Variants in KIF26A observed in about 807,000 individuals in gnomAD.
KIF26A encodes kinesin family member 26A.
A neutral mutation model predicts 126.0 loss-of-function variants in KIF26A; 74 were observed. That is an observed-to-expected ratio of 0.59 (90% CI 0.49 to 0.71). The LOEUF is 0.71. Ranked by LOEUF, KIF26A falls within the 30% of genes least tolerant of loss-of-function variation. The pLI is 0.00. For missense variants in KIF26A, 2,984 were observed against 2,763.3 expected (o/e 1.08, Z -1.79); for synonymous variants, 1,445 against 1,232.7 (o/e 1.17, Z -3.61).
Position 104,139,091 on chromosome 14 carries a change from T to TC in KIF26A, c.97dup (p.Arg33ProfsTer94), listed in dbSNP as rs2037611645. ...CGAGCCGCCGCCGCTGCTGGAGGTG[T>TC]CCCCCCGAAAGAGGCTACCCGCCGG... is the stretch of plus-strand genomic sequence containing the variant. On this transcript the variant is annotated frameshift_variant, in exon 2 of 15. Transcript: ENST00000423312. LOFTEE classifies it high-confidence loss of function. 4 of 1,449,486 alleles carry TC rather than the reference T, an allele frequency of 2.8e-6. No individual in the cohort carries two copies. Among genetic ancestry groups the TC allele is most frequent in the East Asian group, 3.0e-5 (1 of 33,322 alleles). The allele number at this position is 1,449,486 out of a possible 1,614,324, so 89.8% of individuals were successfully genotyped here.
intron 4 of KIF26A, among the ~76,000 whole-genome samples, chr14:104,158,996 G>A (rs368552910): frequency 1.3e-4 from 20 of 152,248 alleles, no homozygotes; most frequent in Non-Finnish European, 2.4e-4. Flanking sequence ...AGACGAGGGC[G>A]TCTTATCAGC....
chr14:104,150,695 A>G (rs1042502606), intron 2 of KIF26A, among the ~76,000 whole-genome samples: 4 of 152,214 alleles, frequency 2.6e-5, no homozygotes, highest in African/African-American at 9.6e-5. Flanking sequence ...TTTGTGGCCA[A>G]CAGGGTGGCT....
Position 104,151,832 on chromosome 14 carries a change from G to A in KIF26A, c.289-183G>A, listed in dbSNP as rs989460139. ...CATTGTGAGCCTCACGATGAAGCCCGATCATTATTTTCCTGCTGGGCTTGT... is the reference window on the plus strand; with the variant it reads ...CATTGTGAGCCTCACGATGAAGCCCAATCATTATTTTCCTGCTGGGCTTGT... On this transcript the variant is annotated intron_variant, in intron 2 of 14. Coordinates refer to ENST00000423312, the MANE Select transcript of KIF26A (RefSeq NM_015656.2). The surrounding 1 kb of genome is among the most constrained non-coding windows in gnomAD (Gnocchi z 4.9). 3.9e-5 allele frequency among the ~76,000 whole-genome samples: 6 copies of A among 152,226 alleles called. No individual in the cohort carries two copies. Among genetic ancestry groups the A allele is most frequent in the African/African-American group, 1.4e-4 (6 of 41,464 alleles).
chr14:104,138,806 G>A (rs2037608120), intron 1 of KIF26A, 42 bp downstream of exon 1: 3 of 1,258,618 alleles, frequency 2.4e-6, no homozygotes, highest in Non-Finnish European at 3.0e-6. Flanking sequence ...GGCGGCGGGG[G>A]CCCGGGACGG....
At chr14:104,156,456 C>G (rs145144741) in intron 3 of KIF26A, among the ~76,000 whole-genome samples, 2 of 152,144 alleles carry the variant, frequency 1.3e-5, no homozygotes, top group Non-Finnish European at 2.9e-5. Context: ...CTTCTGGAAG[C>G]CCCGGAGGAG....
At chr14:104,165,648 T>C (rs1460659660) in intron 4 of KIF26A, among the ~76,000 whole-genome samples, 2 of 126,710 alleles carry the variant, frequency 1.6e-5, no homozygotes, top group African/African-American at 7.8e-5. Flanking sequence ...TGTTTCTGTA[T>C]GCATGTGTGT....
intron 5 of KIF26A, among the ~76,000 whole-genome samples, chr14:104,168,449 C>T (rs1001132014): frequency 3.9e-5 from 6 of 152,164 alleles, no homozygotes; most frequent in African/African-American, 1.2e-4. Context: ...GGAGGGCCGC[C>T]GTGGGGCATA....
intron 8 of KIF26A, 43 bp downstream of exon 8, chr14:104,173,282 C>T (rs1416315342): frequency 6.2e-7 from 1 of 1,601,462 alleles, no homozygotes; most frequent in Non-Finnish European, 8.5e-7. Flanking sequence ...GGGGGCTGCA[C>T]TTGGCCCTGA....
Position 104,177,580 on chromosome 14 carries a change from G to C in KIF26A, c.4792G>C (p.Val1598Leu). The C allele has an allele frequency of 6.5e-7, 1 of 1,534,800 alleles. No individual in the cohort carries two copies. The highest frequency in any genetic ancestry group is 8.7e-7 in the Non-Finnish European group (1 of 1,145,540). ...CAGCGGCCATGACAGCGGCGTGAAC[G>C]TGGGGGAGGAGCGGCCACCCACGGG... ...SDSGHDSGVNVGEERPPTGPA... is the reference protein window; with the variant it reads ...SDSGHDSGVNLGEERPPTGPA... The change falls in exon 12 of 15, where the codon GTG (valine) becomes CTG (leucine). Residue 1598 changes from valine to leucine, a missense_variant. Coordinates refer to ENST00000423312, the MANE Select transcript of KIF26A (RefSeq NM_015656.2).
Position 104,174,293 on chromosome 14 carries a change from C to A in KIF26A, c.2176C>A (p.Arg726Ser). ...GCTCGCCGCCCGCATCCACCGCCTGCGCAGGAAGAAGGCCAAGGTGCTCCC... is the reference window on the plus strand; with the variant it reads ...GCTCGCCGCCCGCATCCACCGCCTGAGCAGGAAGAAGGCCAAGGTGCTCCC... ...VQLAARIHRL[R>S]RKKAKYASSS... Residue 726 changes from arginine to serine, a missense_variant, in exon 11 of 15, where the codon CGC (arginine) becomes AGC (serine). Physicochemically the swap from Arg to Ser is moderately radical, Grantham distance 110. Coordinates refer to ENST00000423312, the MANE Select transcript of KIF26A (RefSeq NM_015656.2). 6.4e-7 allele frequency: 1 copy of A among 1,551,468 alleles called. No individual in the cohort carries two copies. Among genetic ancestry groups the A allele is most frequent in the Non-Finnish European group, 8.7e-7 (1 of 1,148,332 alleles).
chr14:104,176,332 G>A lies in KIF26A; in HGVS notation c.3544G>A (p.Ala1182Thr). ...TWGPCPGEVA[A>T]VAPSRPGREP... Reference sequence around the variant, plus strand: ...GGGTCCGTGCCCTGGGGAAGTGGCTGCAGTGGCCCCATCCCGACCCGGCAG... The same window carrying A: ...GGGTCCGTGCCCTGGGGAAGTGGCTACAGTGGCCCCATCCCGACCCGGCAG... The change falls in exon 12 of 15, where the codon GCA (alanine) becomes ACA (threonine). Residue 1182 changes from alanine (A) to threonine (T), a missense_variant. By Grantham distance (58) the Ala-to-Thr change is moderately conservative (BLOSUM62 0). Coordinates refer to ENST00000423312, the MANE Select transcript of KIF26A (RefSeq NM_015656.2). The A allele has an allele frequency of 6.3e-7, 1 of 1,584,760 alleles. No homozygotes were observed. The highest frequency in any genetic ancestry group is 8.6e-7 in the Non-Finnish European group (1 of 1,162,388).
Position 104,138,633 on chromosome 14 carries a change from G to C in KIF26A, c.-90G>C. On this transcript the variant is annotated 5_prime_UTR_variant, in exon 1 of 15. Coordinates refer to ENST00000423312, the MANE Select transcript of KIF26A (RefSeq NM_015656.2). ...CCGAGCGGCTGGGCCGGGCCATGGG[G>C]GCGCCTCGGGGCCGGATCACGTAGC... 9.6e-7 allele frequency: 1 copy of C among 1,045,020 alleles called. No individual in the cohort carries two copies. The highest frequency in any genetic ancestry group is 1.2e-6 in the Non-Finnish European group (1 of 826,410). The allele number at this position is 1,045,020 out of a possible 1,614,324, so 64.7% of individuals were successfully genotyped here. A position where few individuals can be genotyped will look rare whatever the true frequency, so the allele number is the denominator to read the frequency against.
intron 12 of KIF26A, 65 bp from the exon 13 acceptor site, chr14:104,178,485 C>G: frequency 7.8e-7 from 1 of 1,275,976 alleles, no homozygotes. Context: ...CGCAGCGTCC[C>G]CGCAGGGGCT....
chr14:104,178,562 G>C lies in KIF26A; in HGVS notation c.5123G>C (p.Arg1708Pro), dbSNP rs775597332. The change falls in exon 13 of 15, where the codon CGG becomes CCG. Residue 1708 changes from arginine (R) to proline (P), a missense_variant. Physicochemically the swap from Arg to Pro is moderately radical, Grantham distance 103. Transcript: ENST00000423312. Reference sequence around the variant, plus strand: ...CTCTCCGTTCCAGGTCTGCAGCGGCGGCGCCTGATTCCCGCCCCACTGCCC... The same window carrying C: ...CTCTCCGTTCCAGGTCTGCAGCGGCCGCGCCTGATTCCCGCCCCACTGCCC... ...PKKRATGLQR[R>P]RLIPAPLPDT... The C allele has an allele frequency of 1.4e-6, 2 of 1,471,990 alleles. No homozygotes were observed. The highest frequency in any genetic ancestry group is 1.4e-5 in the African/African-American group (1 of 69,928). The allele number at this position is 1,471,990 out of a possible 1,614,324, so 91.2% of individuals were successfully genotyped here. A position where few individuals can be genotyped will look rare whatever the true frequency, so the allele number is the denominator to read the frequency against.
At chr14:104,164,752 T>C (rs2037866368) in intron 4 of KIF26A, among the ~76,000 whole-genome samples, 1 of 150,686 alleles carries the variant, frequency 6.6e-6, no homozygotes, top group South Asian at 2.1e-4. Flanking sequence ...CGTGTCTGTG[T>C]GTGTGCGCGT....
Position 104,180,409 on chromosome 14 carries a change from C to T in KIF26A, c.*619C>T, listed in dbSNP as rs2038090028. On this transcript the variant is annotated 3_prime_UTR_variant, in exon 15 of 15. Coordinates refer to ENST00000423312, the MANE Select transcript of KIF26A (RefSeq NM_015656.2). ...CTGTCCCGAGGGCAGCTAACAAGGG[C>T]TGAGCCCCAGGTACAGGTTGCCTCT... 6.6e-6 allele frequency: 1 copy of T among 152,192 alleles called. No homozygotes were observed. Among genetic ancestry groups the T allele is most frequent in the Non-Finnish European group, 1.5e-5 (1 of 68,054 alleles). The allele number at this position is 152,192 out of a possible 1,614,324, so 9.4% of individuals were successfully genotyped here.
In KIF26A at chr14:104,165,651, A is replaced by G. The variant is rs1004914241; in HGVS notation, c.924-1208A>G. Among the ~76,000 whole-genome samples, 399 of 132,054 alleles carry G rather than the reference A, an allele frequency of 3.0e-3. 4 individuals carry two copies. The highest frequency in any genetic ancestry group is 0.011 in the Middle Eastern group (3 of 272). 86.6% of individuals were successfully genotyped at this position (132,054 alleles called of 152,430 possible). A position where few individuals can be genotyped will look rare whatever the true frequency, so the allele number is the denominator to read the frequency against. On this transcript the variant is annotated intron_variant, in intron 4 of 14. Coordinates refer to ENST00000423312, the MANE Select transcript of KIF26A (RefSeq NM_015656.2). ...TGTGTGTGTCTGTGTTTCTGTATGC[A>G]TGTGTGTGTATCTGTGTTTCTGTAT...
Position 104,157,835 on chromosome 14 carries a change from G to A in KIF26A, c.816G>A (p.Ser272=), listed in dbSNP as rs370283488. ...CCGTGGCCGGCCCTGATGGCTTGTCGAAGGCCTGGGGCCGTGGTGGAGTCT... is the reference window on the plus strand; with the variant it reads ...CCGTGGCCGGCCCTGATGGCTTGTCAAAGGCCTGGGGCCGTGGTGGAGTCT... ...CPPVAGPDGL[S]KAWGRGGVCT... is the part of the protein sequence containing the mutation. Residue 272 remains serine, a synonymous_variant, in exon 4 of 15, where the codon TCG becomes TCA. Coordinates refer to ENST00000423312, the MANE Select transcript of KIF26A (RefSeq NM_015656.2). The A allele has an allele frequency of 3.7e-4, 590 of 1,609,380 alleles. No homozygotes were observed. Among genetic ancestry groups the A allele is most frequent in the East Asian group, 1.3e-3 (56 of 44,734 alleles).
At chr14:104,178,366 C>T (rs1444814250) in intron 12 of KIF26A, among the ~76,000 whole-genome samples, 184 bp from the exon 13 acceptor site, 1 of 152,180 alleles carries the variant, frequency 6.6e-6, no homozygotes, top group East Asian at 1.9e-4. Flanking sequence ...CCCTTGAGAG[C>T]TGTGGGCCTG....
Sources: allele counts gnomAD v4.1 joint callset (sites outside exome capture counted in the v4.1 genomes callset), GRCh38; gene constraint gnomAD v4.1.1; non-coding constraint Gnocchi (gnomAD v3.1); transcripts MANE v1.5; gene names NCBI Gene and HGNC (gene_info 2026-07-23, HGNC 2026-07-21).